The following ABCD3 variants were observed in gnomAD, a reference collection of about 807,000 sequenced individuals.
The protein encoded by ABCD3 is ATP binding cassette subfamily D member 3, also known as ATP-binding cassette sub-family D member 3.
ABCD3 carries 41 observed loss-of-function variants against 105.5 expected under a neutral mutation model. That is an observed-to-expected ratio of 0.39 (90% confidence interval 0.30 to 0.50). The LOEUF (loss-of-function observed/expected upper bound fraction) is 0.50. Ranked by LOEUF, ABCD3 falls within the 20% of genes least tolerant of loss-of-function variation. ABCD3 has a pLI of 0.84. For synonymous variants in ABCD3, 258 were observed against 269.0 expected, an observed-to-expected ratio of 0.96 and a Z score of 0.40; for missense variants, 622 against 806.3, an observed-to-expected ratio of 0.77 and a Z score of 2.77.
chr1:94,436,571 T>A (rs1298092846), intron 1 of ABCD3, among the ~76,000 whole-genome samples: 1 of 152,208 alleles, frequency 6.6e-6, no homozygotes, highest in Non-Finnish European at 1.5e-5. Context: ...TTGGCGGTAA[T>A]GTGTTTTTTA....
the ABCD3 span, among the ~76,000 whole-genome samples, chr1:94,399,664 A>G: frequency 6.6e-6 from 1 of 152,230 alleles, no homozygotes; most frequent in Non-Finnish European, 1.5e-5. Flanking sequence ...TGCTCAGATC[A>G]ATCTGCAACC....
intron 15 of ABCD3, among the ~76,000 whole-genome samples, chr1:94,490,813 T>G (rs977665418): frequency 3.9e-5 from 6 of 152,082 alleles, no homozygotes; most frequent in Non-Finnish European, 5.9e-5. Flanking sequence ...CATACGGTAG[T>G]CCTAATTTTA....
At chr1:94,487,642 T>C in intron 11 of ABCD3, 31 bp downstream of exon 11, 1 of 1,613,016 alleles carries the variant, frequency 6.2e-7, no homozygotes, top group Non-Finnish European at 8.5e-7. Flanking sequence ...ATGAGATTTG[T>C]GGAAAAGGTG....
the ABCD3 span, among the ~76,000 whole-genome samples, chr1:94,389,447 C>T: frequency 1.3e-5 from 2 of 152,218 alleles, no homozygotes; most frequent in Admixed American, 6.5e-5. Flanking sequence ...GAACCACAAA[C>T]AATAGCATGA....
At chr1:94,468,574 A>C (rs1331372277) in intron 4 of ABCD3, among the ~76,000 whole-genome samples, 1 of 152,210 alleles carries the variant, frequency 6.6e-6, no homozygotes, top group Non-Finnish European at 1.5e-5. Flanking sequence ...CTTGGGTTAT[A>C]ACAATTTACC....
intron 22 of ABCD3, among the ~76,000 whole-genome samples, chr1:94,515,814 T>G (rs756096233): frequency 4.6e-5 from 7 of 151,704 alleles, no homozygotes; most frequent in Non-Finnish European, 8.9e-5. Context: ...TTTATTTTCT[T>G]TCCTCCTCCC....
intron 15 of ABCD3, 126 bp from the exon 16 acceptor site, chr1:94,491,058 T>G: frequency 3.0e-6 from 2 of 673,782 alleles, no homozygotes; most frequent in Non-Finnish European, 5.1e-6. Flanking sequence ...TCTGAATTTC[T>G]TCTTTTAAGA....
chr1:94,434,127 G>A (rs1659802014), intron 1 of ABCD3, among the ~76,000 whole-genome samples: 2 of 152,102 alleles, frequency 1.3e-5, no homozygotes, highest in South Asian at 2.1e-4. Flanking sequence ...TATTGCACAT[G>A]ACTGTAGACT....
chr1:94,413,125 T>G, the ABCD3 span, among the ~76,000 whole-genome samples: 2 of 152,130 alleles, frequency 1.3e-5, no homozygotes, highest in Admixed American at 6.6e-5. Flanking sequence ...CCTAGAAAGG[T>G]CTTCCCCATG....
upstream of ABCD3, among the ~76,000 whole-genome samples, chr1:94,413,810 C>T (rs1038631526): frequency 6.6e-6 from 1 of 152,088 alleles, no homozygotes; most frequent in African/African-American, 2.4e-5. Context: ...GATCTGCCTC[C>T]CCAGACACCC....
At chr1:94,411,532 G>A in the ABCD3 span, among the ~76,000 whole-genome samples, 1 of 152,172 alleles carries the variant, frequency 6.6e-6, no homozygotes, top group Non-Finnish European at 1.5e-5. Flanking sequence ...TTCATTGCTG[G>A]TGGAAGGTAA....
chr1:94,480,711 G>A (rs1449888236), intron 9 of ABCD3, 105 bp downstream of exon 9: 8 of 1,172,044 alleles, frequency 6.8e-6, no homozygotes, highest in Admixed American at 1.8e-5. Context: ...CTGTAATAAT[G>A]TGCATATTGT....
intron 21 of ABCD3, chr1:94,513,874 A>G (rs939147364): frequency 3.3e-5 from 5 of 152,036 alleles, no homozygotes; most frequent in African/African-American, 1.2e-4. Context: ...TGTTTTATTA[A>G]TACTGATAAT....
chr1:94,484,101 C>T (rs1016467976), intron 10 of ABCD3, among the ~76,000 whole-genome samples: 1 of 152,234 alleles, frequency 6.6e-6, no homozygotes, highest in Non-Finnish European at 1.5e-5. Context: ...CACTATCTCA[C>T]ACCAGTTAGA....
intron 1 of ABCD3, among the ~76,000 whole-genome samples, chr1:94,435,337 T>C (rs1454292407): frequency 6.6e-6 from 1 of 152,076 alleles, no homozygotes; most frequent in Non-Finnish European, 1.5e-5. Flanking sequence ...CCCAGGAGTT[T>C]GAGACCAGTC....
chr1:94,389,599 G>C, the ABCD3 span, among the ~76,000 whole-genome samples: 1 of 152,188 alleles, frequency 6.6e-6, no homozygotes, highest in African/African-American at 2.4e-5. Flanking sequence ...TCACTGGCTT[G>C]CTGTCAGTAA....
intron 1 of ABCD3, among the ~76,000 whole-genome samples, chr1:94,445,807 A>C (rs531041496): frequency 2.6e-5 from 4 of 152,168 alleles, no homozygotes; most frequent in Non-Finnish European, 5.9e-5. Context: ...GCTGCTCAGG[A>C]TATAGCGTTG....
At chr1:94,432,115 A>G (rs1204439753) in intron 1 of ABCD3, among the ~76,000 whole-genome samples, 1 of 152,246 alleles carries the variant, frequency 6.6e-6, no homozygotes, top group African/African-American at 2.4e-5. Flanking sequence ...GTGAGAGGAA[A>G]TAACAACATT....
intron 4 of ABCD3, 24 bp downstream of exon 4, chr1:94,468,031 C>G: frequency 6.6e-7 from 1 of 1,505,682 alleles, no homozygotes; most frequent in Non-Finnish European, 9.2e-7. Flanking sequence ...CACCTTCCTC[C>G]TATATGTATG....
Sources: allele counts gnomAD v4.1 joint callset (sites outside exome capture counted in the v4.1 genomes callset), GRCh38; gene constraint gnomAD v4.1.1; transcripts MANE v1.5; gene names NCBI Gene and HGNC (gene_info 2026-07-23, HGNC 2026-07-21).